The following CDC42BPG variants were observed in gnomAD, a reference collection of about 807,000 sequenced individuals.
CDC42BPG encodes the protein serine/threonine-protein kinase MRCK gamma.
CDC42BPG carries 157 observed loss-of-function variants against 192.2 expected under a neutral mutation model. The observed-to-expected ratio is 0.82, with a 90% confidence interval of 0.72 to 0.93. The LOEUF (loss-of-function observed/expected upper bound fraction) is 0.93. Among genes scored for constraint, CDC42BPG ranks in the 40% least tolerant of loss-of-function variants. CDC42BPG has a pLI of 0.00. For missense variants in CDC42BPG, 1,992 were observed against 2,122.1 expected (o/e 0.94, Z 1.20); for synonymous variants, 981 against 918.5 (o/e 1.07, Z -1.23).
intron 23 of CDC42BPG, 123 bp downstream of exon 23, chr11:64,833,477 G>A (rs11600163): frequency 7.7e-5 from 81 of 1,056,226 alleles, no homozygotes; most frequent in Non-Finnish European, 9.9e-5. Flanking sequence ...CAAGCTCATC[G>A]CCACCACCTC....
chr11:64,835,180 C>A, intron 16 of CDC42BPG, 27 bp from the exon 17 acceptor site: 1 of 1,602,036 alleles, frequency 6.2e-7, no homozygotes, highest in African/African-American at 1.3e-5. Context: ...GAAAGGTCAG[C>A]CCCAGGCCCC....
chr11:64,830,086 G>A lies in CDC42BPG; in HGVS notation c.3368-16C>T, dbSNP rs1388835458. 6.2e-7 allele frequency: 1 copy of A among 1,612,446 alleles called. No homozygotes were observed. Among genetic ancestry groups the A allele is most frequent in the Non-Finnish European group, 8.5e-7 (1 of 1,179,494 alleles). On this transcript the variant is annotated splice_polypyrimidine_tract_variant and intron_variant, in intron 29 of 36. Transcript: ENST00000342711. ...TGGAAGATGTCTGCAGGGTTGGCGA[G>A]GGGAGAGTGTCACTGGCAGGTGGTT...
intron 11 of CDC42BPG, 62 bp from the exon 12 acceptor site, chr11:64,836,592 A>AAGTCTCC: frequency 7.0e-7 from 1 of 1,438,810 alleles, no homozygotes; most frequent in South Asian, 1.1e-5. Flanking sequence ...GCCCAGGAGC[A>AAGTCTCC]AGTCTCCTTG....
In CDC42BPG at chr11:64,826,701, T is replaced by G. The variant is rs1198482367; in HGVS notation, c.4483A>C (p.Ser1495Arg). 1 of 1,557,170 alleles carries G rather than the reference T, an allele frequency of 6.4e-7. No homozygotes were observed. Among genetic ancestry groups the G allele is most frequent in the African/African-American group, 1.4e-5 (1 of 73,946 alleles). The change falls in exon 35 of 37, where the codon AGC (serine) becomes CGC (arginine). Residue 1495 changes from serine to arginine, a missense_variant. Transcript: ENST00000342711. Reference protein sequence around the residue: ...EALRRPASMGSEGLGGDADPM... With the variant: ...EALRRPASMGREGLGGDADPM... Reference sequence around the variant, plus strand: ...TCTGCGTCTCCACCGAGGCCTTCGCTGCCCATGGAGGCTGGGCGCCGCAAC... The same window carrying G: ...TCTGCGTCTCCACCGAGGCCTTCGCGGCCCATGGAGGCTGGGCGCCGCAAC...
At position 64,829,867 on chromosome 11, in the gene CDC42BPG, G is replaced by A. The variant is rs149394775; in HGVS notation, c.3571C>T (p.Arg1191Cys). 1.1e-5 allele frequency: 17 copies of A among 1,607,860 alleles called. No individual in the cohort carries two copies. The highest frequency in any genetic ancestry group is 4.4e-5 in the South Asian group (4 of 90,794). ...VLAAGSILQA[R>C]TPVLCVAVKR... is the part of the protein sequence containing the mutation. ...ACGGCTACACAGAGCACCGGGGTGCGGGCCTGCAGGATGCTTCCAGCTGCC... is the reference window on the plus strand; with the variant it reads ...ACGGCTACACAGAGCACCGGGGTGCAGGCCTGCAGGATGCTTCCAGCTGCC... Residue 1191 changes from arginine to cysteine, a missense_variant, in exon 30 of 37, where the codon CGC becomes TGC. Physicochemically the swap from Arg to Cys is radical, Grantham distance 180. Around this residue, in one of 2 missense-constraint regions of CDC42BPG, gnomAD observed 1,656 missense variants for 1,844.3 expected, o/e 0.90. Coordinates refer to ENST00000342711, the MANE Select transcript of CDC42BPG (RefSeq NM_017525.3).
intron 6 of CDC42BPG, 122 bp downstream of exon 6, chr11:64,839,356 T>A (rs1438917812): frequency 1.3e-6 from 2 of 1,497,186 alleles, no homozygotes; most frequent in East Asian, 2.3e-5. Context: ...ACCTGGGGCC[T>A]GGGTCTCACC....
chr11:64,836,708 G>GGGGT, intron 11 of CDC42BPG, 31 bp downstream of exon 11: 6 of 695,692 alleles, frequency 8.6e-6, no homozygotes, highest in Non-Finnish European at 1.3e-5. Flanking sequence ...CTCAGCCCTG[G>GGGGT]GGGGGGGGGG....
At chr11:64,839,980 A>C (rs1943206579) in intron 5 of CDC42BPG, 140 bp downstream of exon 5, 12 of 853,982 alleles carry the variant, frequency 1.4e-5, no homozygotes, top group Non-Finnish European at 1.8e-5. Context: ...GTATGATTCC[A>C]AGGAAGCACA....
In CDC42BPG at chr11:64,829,988, G is replaced by A; in HGVS notation, c.3450C>T (p.Gly1150=). Residue 1150 remains glycine (G), a synonymous_variant, in exon 30 of 37, where the codon GGC becomes GGT. Transcript: ENST00000342711. ...CAAAGAGACGCACGCTGGGGCCGCG[G>A]CCACACAGCACGACCAGCAGGCCTG... is the stretch of plus-strand genomic sequence containing the variant. The part of the protein sequence containing the change: ...PSAGLLVVLC[G]RGPSVRLFAL... 6.2e-7 allele frequency: 1 copy of A among 1,612,926 alleles called. No individual in the cohort carries two copies. The highest frequency in any genetic ancestry group is 8.5e-7 in the Non-Finnish European group (1 of 1,179,880).
At chr11:64,843,755 C>T (rs1050556808) in intron 1 of CDC42BPG, among the ~76,000 whole-genome samples, 1 of 152,248 alleles carries the variant, frequency 6.6e-6, no homozygotes, top group Admixed American at 6.5e-5. Context: ...GGCCCCCCTC[C>T]CCGGCCCCGG....
At position 64,836,307 on chromosome 11, in the gene CDC42BPG, A is replaced by AGGGGAGGGAGC; in HGVS notation, c.1489-22_1489-12dup. On this transcript the variant is annotated splice_polypyrimidine_tract_variant and intron_variant, in intron 12 of 36. Transcript: ENST00000342711. ...ACCCTCGGCCAGCTCCTGAGGAGGC[A>AGGGGAGGGAGC]GGGGAGGGAGCGGGGAAGGACAAGG... The AGGGGAGGGAGC allele has an allele frequency of 6.2e-7, 1 of 1,608,282 alleles. No individual in the cohort carries two copies.
In CDC42BPG at chr11:64,839,100, A is replaced by T; in HGVS notation, c.809T>A (p.Leu270His). Residue 270 changes from leucine to histidine, a missense_variant, in exon 7 of 37, where the codon CTC becomes CAC. Coordinates refer to ENST00000342711, the MANE Select transcript of CDC42BPG (RefSeq NM_017525.3). ...AGCATAGAAGGGCGTCTCCCCAAAG[A>T]GCAGCTCATAGGCGCAGACTCCAAG... ...WSLGVCAYEL[L>H]FGETPFYAES... is the part of the protein sequence containing the mutation. 1 of 1,613,600 alleles carries T rather than the reference A, an allele frequency of 6.2e-7. No individual in the cohort carries two copies. The highest frequency in any genetic ancestry group is 8.5e-7 in the Non-Finnish European group (1 of 1,180,028).
chr11:64,836,557 G>C (rs374624825), intron 11 of CDC42BPG, 27 bp from the exon 12 acceptor site: 3 of 1,592,106 alleles, frequency 1.9e-6, no homozygotes, highest in African/African-American at 2.7e-5. Context: ...CTGAGACCTC[G>C]AGTGCTGGCG....
chr11:64,835,306 T>C (rs774340563), intron 16 of CDC42BPG, 41 bp downstream of exon 16: 76 of 1,612,656 alleles, frequency 4.7e-5, no homozygotes, highest in South Asian at 2.4e-4. Context: ...CCCATTGCCT[T>C]GTCCGTCTGT....
rs757146331 is a variant in CDC42BPG, at chr11:64,829,799, C to A, written c.3639G>T (p.Gly1213=). ...VLCYQLGPGP[G]PWQRRIRELQ... is the part of the protein sequence containing the mutation. ...GCTCACGGATGCGGCGCTGCCAGGG[C>A]CCAGGGCCCGGGCCCAGCTGGTAGC... Residue 1213 remains glycine (G), a synonymous_variant, in exon 30 of 37, where the codon GGG becomes GGT. Transcript: ENST00000342711. The A allele has an allele frequency of 6.2e-7, 1 of 1,602,664 alleles. No homozygotes were observed. The highest frequency in any genetic ancestry group is 1.1e-5 in the South Asian group (1 of 90,282).
intron 23 of CDC42BPG, 74 bp downstream of exon 23, chr11:64,833,526 T>G (rs1592700446): frequency 7.3e-7 from 1 of 1,371,756 alleles, no homozygotes. Flanking sequence ...GCACGTGGAG[T>G]GTCCCCACAG....
In CDC42BPG at chr11:64,829,827, A is replaced by G; in HGVS notation, c.3611T>C (p.Leu1204Pro). 5 of 1,605,496 alleles carry G rather than the reference A, an allele frequency of 3.1e-6. No individual in the cohort carries two copies. Among genetic ancestry groups the G allele is most frequent in the Non-Finnish European group, 4.2e-6 (5 of 1,177,546 alleles). The change falls in exon 30 of 37, where the codon CTC becomes CCC. Residue 1204 changes from leucine to proline, a missense_variant. By Grantham distance (98) the Leu-to-Pro change is moderately conservative. Around this residue, in one of 2 missense-constraint regions of CDC42BPG, gnomAD observed 1,656 missense variants for 1,844.3 expected, o/e 0.90. Transcript: ENST00000342711. ...AGGGCCCGGGCCCAGCTGGTAGCAG[A>G]GCACCTGGCGCTTGACGGCTACACA... Reference protein sequence around the residue: ...VLCVAVKRQVLCYQLGPGPGP... With the variant: ...VLCVAVKRQVPCYQLGPGPGP...
chr11:64,834,994 T>A, intron 17 of CDC42BPG, 31 bp from the exon 18 acceptor site: 1 of 1,612,958 alleles, frequency 6.2e-7, no homozygotes, highest in Non-Finnish European at 8.5e-7. Context: ...GGTCATGGGC[T>A]GGGCCCTCAG....
intron 5 of CDC42BPG, among the ~76,000 whole-genome samples, 171 bp downstream of exon 5, chr11:64,839,949 C>G (rs1943205239): frequency 6.6e-6 from 1 of 152,184 alleles, no homozygotes; most frequent in African/African-American, 2.4e-5. Flanking sequence ...AGCAGCAGCC[C>G]CTGCCACAGA....
Sources: gnomAD v4.1 joint callset for allele counts (sites outside exome capture counted in the v4.1 genomes callset) on GRCh38, gnomAD v4.1.1 for gene constraint, gnomAD v4.1.1 regional missense constraint, MANE v1.5 for transcripts, NCBI Gene and HGNC (gene_info 2026-07-23, HGNC 2026-07-21) for gene names.